COL10A1: variants seen among roughly 807,000 people sequenced by gnomAD.
COL10A1 encodes the protein collagen alpha-1(X) chain.
A neutral mutation model predicts 18.2 loss-of-function variants in COL10A1; 10 were observed. The ratio of observed to expected loss-of-function variants is 0.55; its 90% CI spans 0.34 to 0.93. The LOEUF (loss-of-function observed/expected upper bound fraction) is 0.93. COL10A1 is among the 40% of genes least tolerant of loss of function. COL10A1 has a pLI of 0.02. For missense variants in COL10A1, 897 were observed against 853.5 expected, an observed-to-expected ratio of 1.05 and a Z score of -0.64; for synonymous variants, 330 against 316.6, an observed-to-expected ratio of 1.04 and a Z score of -0.45.
At chr6:116,173,471 A>C in the COL10A1 span, among the ~76,000 whole-genome samples, 3 of 152,182 alleles carry the variant, frequency 2.0e-5, no homozygotes, top group Non-Finnish European at 1.5e-5. Context: ...AGAGGTAGGC[A>C]GCCTGTCAGT....
chr6:116,127,858 C>T (rs574273980), upstream of COL10A1, among the ~76,000 whole-genome samples: 1 of 152,254 alleles, frequency 6.6e-6, no homozygotes, highest in South Asian at 2.1e-4. Context: ...TGCTATGCCC[C>T]TGTGTATACC....
the COL10A1 span, among the ~76,000 whole-genome samples, chr6:116,207,240 A>G: frequency 6.6e-6 from 1 of 152,000 alleles, no homozygotes; most frequent in African/African-American, 2.4e-5. Flanking sequence ...AATGGATCAT[A>G]TGTCTTAAGA....
intron 1 of COL10A1, among the ~76,000 whole-genome samples, chr6:116,143,235 A>G (rs1308262543): frequency 6.6e-6 from 1 of 152,096 alleles, no homozygotes; most frequent in Non-Finnish European, 1.5e-5. Context: ...TTTTTGAGAC[A>G]GAGTCTTGCT....
Position 116,121,043 on chromosome 6 carries a change from G to A in COL10A1, c.1073C>T (p.Pro358Leu), listed in dbSNP as rs372281591. The A allele has an allele frequency of 1.2e-5, 20 of 1,613,962 alleles. No individual in the cohort carries two copies. The highest frequency in any genetic ancestry group is 1.7e-5 in the Non-Finnish European group (20 of 1,179,960). The change falls in exon 3 of 3, where the codon CCA becomes CTA. Residue 358 changes from proline to leucine, a missense_variant. Coordinates refer to ENST00000651968, the MANE Select transcript of COL10A1 (RefSeq NM_000493.4). Reference protein sequence around the residue: ...PKGIPGSHGLPGPKGETGPAG... With the variant: ...PKGIPGSHGLLGPKGETGPAG... ...TGGCCCTGTCTCACCTTTAGGGCCT[G>A]GGAGACCATGGCTACCCGGGATGCC...
chr6:116,198,189 T>C, the COL10A1 span, among the ~76,000 whole-genome samples: 1 of 152,042 alleles, frequency 6.6e-6, no homozygotes, highest in South Asian at 2.1e-4. Context: ...GGTCACTGAG[T>C]AGTGAACAAC....
At chr6:116,210,854 A>C in the COL10A1 span, among the ~76,000 whole-genome samples, 3 of 152,044 alleles carry the variant, frequency 2.0e-5, no homozygotes, top group Non-Finnish European at 2.9e-5. Flanking sequence ...GTTAGATATG[A>C]ACAGAAAATA....
intron 2 of COL10A1, among the ~76,000 whole-genome samples, chr6:116,122,856 AACATTGATTAATATAAAT>A (rs1779174657): frequency 6.6e-6 from 1 of 152,212 alleles, no homozygotes; most frequent in Non-Finnish European, 1.5e-5. Flanking sequence ...TCAATTTGAA[AACATTGATTAATATAAAT>A]ACATAGAGCT....
the COL10A1 span, among the ~76,000 whole-genome samples, chr6:116,177,725 CTAAG>C: frequency 2.1e-3 from 317 of 152,038 alleles, no homozygotes; most frequent in Non-Finnish European, 3.9e-3. Flanking sequence ...ACTAAATAAT[CTAAG>C]TAATTAAATA....
At chr6:116,168,266 T>G in the COL10A1 span, among the ~76,000 whole-genome samples, 1 of 152,010 alleles carries the variant, frequency 6.6e-6, no homozygotes. Context: ...TACTATCATT[T>G]ATGATCTTTC....
At chr6:116,179,751 A>G in the COL10A1 span, among the ~76,000 whole-genome samples, 3 of 152,112 alleles carry the variant, frequency 2.0e-5, no homozygotes, top group Non-Finnish European at 4.4e-5. Flanking sequence ...ATTGAGACAT[A>G]CACCTATCTT....
At chr6:116,191,189 TAAAG>T in the COL10A1 span, among the ~76,000 whole-genome samples, 1 of 151,884 alleles carries the variant, frequency 6.6e-6, no homozygotes, top group Non-Finnish European at 1.5e-5. Flanking sequence ...ATATCCTAAA[TAAAG>T]AAAGAGAAAT....
At chr6:116,160,776 A>C (rs1780307827), upstream of COL10A1, among the ~76,000 whole-genome samples, 1 of 152,140 alleles carries the variant, frequency 6.6e-6, no homozygotes, top group Non-Finnish European at 1.5e-5. Context: ...GAAGCCTTTA[A>C]TCTATCTTCA....
chr6:116,191,466 CTTAG>C, the COL10A1 span, among the ~76,000 whole-genome samples: 1 of 152,058 alleles, frequency 6.6e-6, no homozygotes, highest in South Asian at 2.1e-4. Flanking sequence ...GAGGTTTCTA[CTTAG>C]TAAGTGCTTC....
At chr6:116,151,745 T>C (rs1166651035) in intron 1 of COL10A1, among the ~76,000 whole-genome samples, 1 of 152,204 alleles carries the variant, frequency 6.6e-6, no homozygotes, top group African/African-American at 2.4e-5. Flanking sequence ...AGCTTTTCTA[T>C]AATAAATACC....
the COL10A1 span, among the ~76,000 whole-genome samples, chr6:116,215,605 C>T: frequency 1.3e-5 from 2 of 152,116 alleles, no homozygotes; most frequent in Non-Finnish European, 2.9e-5. Flanking sequence ...TTGAATAAAA[C>T]CAGGCAGACC....
intron 1 of COL10A1, among the ~76,000 whole-genome samples, chr6:116,136,563 G>A (rs1009058735): frequency 1.3e-5 from 2 of 151,976 alleles, no homozygotes; most frequent in Non-Finnish European, 2.9e-5. Flanking sequence ...TTGAACCCAA[G>A]TTTTTCTTCC....
intron 1 of COL10A1, among the ~76,000 whole-genome samples, chr6:116,140,114 T>C (rs1779728314): frequency 6.6e-6 from 1 of 152,192 alleles, no homozygotes; most frequent in Non-Finnish European, 1.5e-5. Context: ...GAGAGTTGAA[T>C]GCCGCCCTCC....
the COL10A1 span, among the ~76,000 whole-genome samples, chr6:116,201,267 T>C: frequency 2.0e-5 from 3 of 152,210 alleles, no homozygotes; most frequent in African/African-American, 7.2e-5. Flanking sequence ...TTTTTGGCTG[T>C]AGCCATTATA....
chr6:116,155,467 A>G (rs1287691555), intron 1 of COL10A1, among the ~76,000 whole-genome samples: 2 of 152,200 alleles, frequency 1.3e-5, no homozygotes, highest in African/African-American at 2.4e-5. Flanking sequence ...ATGGCCTAAA[A>G]TCGTATTTTA....
Sources: gnomAD v4.1 joint callset for allele counts (sites outside exome capture counted in the v4.1 genomes callset) on GRCh38, gnomAD v4.1.1 for gene constraint, MANE v1.5 for transcripts, NCBI Gene and HGNC (gene_info 2026-07-23, HGNC 2026-07-21) for gene names.